GAK: variants seen among roughly 807,000 people sequenced by gnomAD.
GAK encodes the protein cyclin-G-associated kinase.
GAK carries 79 observed loss-of-function variants against 143.9 expected under a neutral mutation model. The ratio of observed to expected loss-of-function variants is 0.55; its 90% CI spans 0.46 to 0.66. GAK has a LOEUF of 0.66. GAK is among the 30% of genes least tolerant of loss of function. The pLI, the probability that GAK is intolerant of heterozygous loss-of-function variation, is 0.00. For synonymous variants in GAK, 881 were observed against 765.5 expected, an observed-to-expected ratio of 1.15 and a Z score of -2.49; for missense variants, 1,693 against 1,779.7, an observed-to-expected ratio of 0.95 and a Z score of 0.88.
rs60747880 is a variant in GAK, at chr4:868,703, C to T, written c.2249-18G>A. Reference sequence around the variant, plus strand: ...CGGCTTCCCTGCAGGAGAGGGAGGGCGTCAGGGCACTGGCACTGGCCAGCA... The same window carrying T: ...CGGCTTCCCTGCAGGAGAGGGAGGGTGTCAGGGCACTGGCACTGGCCAGCA... On this transcript the variant is annotated intron_variant, in intron 19 of 27. Transcript: ENST00000314167. The T allele has an allele frequency of 5.2e-6, 8 of 1,545,648 alleles. No homozygotes were observed. Among genetic ancestry groups the T allele is most frequent in the East Asian group, 2.4e-5 (1 of 40,892 alleles).
intron 17 of GAK, 113 bp downstream of exon 17, chr4:876,977 C>T (rs1465631285): frequency 8.3e-6 from 6 of 724,580 alleles, no homozygotes; most frequent in East Asian, 2.7e-5. Context: ...ACGGCACTCA[C>T]CAAACAGCGA....
At chr4:874,030 C>A (rs1015612797) in intron 18 of GAK, among the ~76,000 whole-genome samples, 3 of 152,156 alleles carry the variant, frequency 2.0e-5, no homozygotes, top group African/African-American at 7.2e-5. Flanking sequence ...TTCTTGATTG[C>A]ATCTTTAATC....
intron 4 of GAK, among the ~76,000 whole-genome samples, chr4:910,784 A>C (rs1577278076): frequency 6.6e-6 from 1 of 150,726 alleles, no homozygotes; most frequent in Non-Finnish European, 1.5e-5. Flanking sequence ...TAGTGTCACC[A>C]CCCCCTCACC....
chr4:887,849 GC>G (rs1189067524), intron 11 of GAK: 1 of 152,410 alleles, frequency 6.6e-6, no homozygotes, highest in East Asian at 1.9e-4. Flanking sequence ...CAGCACACAT[GC>G]TCATACCAGC....
chr4:885,127 C>T (rs1460727796), intron 11 of GAK, among the ~76,000 whole-genome samples: 1 of 152,032 alleles, frequency 6.6e-6, no homozygotes, highest in Admixed American at 6.6e-5. Context: ...TCTAAACCCA[C>T]CGAGCAGGTG....
chr4:903,685 AT>A (rs1720463889), intron 5 of GAK, among the ~76,000 whole-genome samples: 2 of 119,120 alleles, frequency 1.7e-5, no homozygotes, highest in African/African-American at 3.4e-5. Context: ...TGCGGGGCCT[AT>A]AGTGACACCA....
Position 865,262 on chromosome 4 carries a change from G to A in GAK, c.3044-18C>T. The A allele has an allele frequency of 6.2e-7, 1 of 1,612,850 alleles. No individual in the cohort carries two copies. Reference sequence around the variant, plus strand: ...CAGATCCCCTGGGAAGAAGGAACCAGAAGAGAGCACAGTTTGGTGTCTCAG... The same window carrying A: ...CAGATCCCCTGGGAAGAAGGAACCAAAAGAGAGCACAGTTTGGTGTCTCAG... On this transcript the variant is annotated intron_variant, in intron 22 of 27. Transcript: ENST00000314167.
intron 18 of GAK, among the ~76,000 whole-genome samples, chr4:872,078 A>G (rs1468990530): frequency 6.6e-6 from 1 of 152,342 alleles, no homozygotes; most frequent in East Asian, 1.9e-4. Context: ...GAGGGAGGGC[A>G]GGGAGACGGG....
intron 7 of GAK, 83 bp from the exon 8 acceptor site, chr4:894,092 GC>G: frequency 7.3e-7 from 1 of 1,369,344 alleles, no homozygotes; most frequent in Non-Finnish European, 9.5e-7. Flanking sequence ...CAGGGGTGAT[GC>G]CCAGGCCCAC....
Position 851,276 on chromosome 4 carries a change from T to G in GAK, c.3509-192A>C, listed in dbSNP as rs1201783276. 8.0e-6 allele frequency: 4 copies of G among 499,300 alleles called. No individual in the cohort carries two copies. In the East Asian group the frequency reaches 1.5e-4, roughly 18 times the overall value. 30.9% of individuals were successfully genotyped at this position (499,300 alleles called of 1,614,324 possible). On this transcript the variant is annotated intron_variant, in intron 25 of 27. Coordinates refer to ENST00000314167, the MANE Select transcript of GAK (RefSeq NM_005255.4). ...CCATGCCTGGCTAATTTTTACATTT[T>G]TTGTAGAGAGGAGGTATCACTGTTG...
rs112588707 is a variant in GAK at position 900,871 on chromosome 4, T to C, written c.526-2713A>G. 9.8e-3 allele frequency among the ~76,000 whole-genome samples: 1,498 copies of C among 152,090 alleles called. 12 individuals carry two copies. The highest frequency in any genetic ancestry group is 0.015 in the Non-Finnish European group (1,041 of 67,962). On this transcript the variant is annotated intron_variant, in intron 5 of 27. Transcript: ENST00000314167. ...AGAAGGGGTGAAAGGGCCTGGGGCA[T>C]GGCTCAGGAGCAGGCTCCACAGCGG...
intron 24 of GAK, among the ~76,000 whole-genome samples, chr4:858,113 T>G (rs533387726): frequency 3.9e-4 from 60 of 152,284 alleles, no homozygotes; most frequent in Admixed American, 8.5e-4. Context: ...ACAGGGCCTG[T>G]GTGGAGGAGG....
At chr4:875,667 G>A (rs1018877848) in intron 18 of GAK, among the ~76,000 whole-genome samples, 4 of 152,248 alleles carry the variant, frequency 2.6e-5, no homozygotes, top group Non-Finnish European at 5.9e-5. Context: ...AGATAAGCCT[G>A]CCTGTGATTG....
chr4:854,016 G>A (rs112450540), intron 24 of GAK, among the ~76,000 whole-genome samples: 37 of 151,770 alleles, frequency 2.4e-4, no homozygotes, highest in African/African-American at 8.0e-4. Context: ...CAGGCTGGTC[G>A]CGAACTCCCG....
chr4:931,334 G>A (rs2152990182), intron 1 of GAK, among the ~76,000 whole-genome samples: 1 of 152,302 alleles, frequency 6.6e-6, no homozygotes, highest in African/African-American at 2.4e-5. Context: ...AATCACACGA[G>A]TAGATGTTCA....
chr4:926,239 G>A (rs1724720696), intron 1 of GAK, among the ~76,000 whole-genome samples: 1 of 152,202 alleles, frequency 6.6e-6, no homozygotes, highest in South Asian at 2.1e-4. Flanking sequence ...TATGTTAACA[G>A]ACAGAAACCA....
At chr4:923,934 C>T (rs1165304002) in intron 1 of GAK, among the ~76,000 whole-genome samples, 1 of 152,154 alleles carries the variant, frequency 6.6e-6, no homozygotes, top group Non-Finnish European at 1.5e-5. Flanking sequence ...CCTGTAATCC[C>T]AGCACTTTGG....
At chr4:888,789 G>A (rs1464823870) in intron 11 of GAK, 58 bp downstream of exon 11, 6 of 1,557,976 alleles carry the variant, frequency 3.9e-6, no homozygotes, top group Admixed American at 3.9e-5. Flanking sequence ...GCAAGGGCCG[G>A]GGCTGCAGCC....
chr4:858,599 C>T (rs1360359446), intron 24 of GAK, among the ~76,000 whole-genome samples: 1 of 152,338 alleles, frequency 6.6e-6, no homozygotes, highest in East Asian at 1.9e-4. Context: ...GTCCTCAAGA[C>T]ATAGTAAATC....
Sources: gnomAD v4.1 joint callset for allele counts (sites outside exome capture counted in the v4.1 genomes callset) on GRCh38, gnomAD v4.1.1 for gene constraint, MANE v1.5 for transcripts, NCBI Gene and HGNC (gene_info 2026-07-23, HGNC 2026-07-21) for gene names.